The following HYCC1 variants were observed in gnomAD, a reference collection of about 807,000 sequenced individuals.
HYCC1 encodes hyccin PI4KA lipid kinase complex subunit 1, also known as hyccin.
the HYCC1 span, among the ~76,000 whole-genome samples, chr7:22,909,228 G>A: frequency 2.0e-5 from 3 of 152,166 alleles, no homozygotes; most frequent in Non-Finnish European, 4.4e-5. Flanking sequence ...CCTCATGAGA[G>A]CAAGTGAGTT....
chr7:22,937,209 T>A, the HYCC1 span: 2 of 151,700 alleles, frequency 1.3e-5, no homozygotes, highest in African/African-American at 2.4e-5. Context: ...ATGAAGAGAG[T>A]AAAAGTTTAA....
chr7:23,000,589 T>C, the HYCC1 span, among the ~76,000 whole-genome samples: 7 of 152,320 alleles, frequency 4.6e-5, no homozygotes, highest in South Asian at 1.4e-3. Flanking sequence ...TGTGGTACAC[T>C]ATTACTATTA....
At chr7:22,962,935 C>T in the HYCC1 span, among the ~76,000 whole-genome samples, 2 of 152,052 alleles carry the variant, frequency 1.3e-5, no homozygotes, top group East Asian at 3.9e-4. Context: ...AAGAAAAACC[C>T]TCCAGCAATC....
At chr7:22,901,710 G>C in the HYCC1 span, among the ~76,000 whole-genome samples, 1 of 151,864 alleles carries the variant, frequency 6.6e-6, no homozygotes, top group African/African-American at 2.4e-5. Flanking sequence ...AAATATAAAA[G>C]GAGCAATCCA....
chr7:22,924,468 C>T, the HYCC1 span, among the ~76,000 whole-genome samples: 4 of 152,188 alleles, frequency 2.6e-5, no homozygotes, highest in African/African-American at 4.8e-5. Flanking sequence ...CCTGGAAAAT[C>T]GGGTCACTCC....
the HYCC1 span, among the ~76,000 whole-genome samples, chr7:22,961,857 ATG>A: frequency 1.3e-5 from 2 of 150,972 alleles, no homozygotes; most frequent in Non-Finnish European, 1.5e-5. Context: ...GTGTCTGTGC[ATG>A]TGTGTGTGTG....
chr7:22,967,680 A>G, the HYCC1 span, among the ~76,000 whole-genome samples: 1 of 152,212 alleles, frequency 6.6e-6, no homozygotes, highest in South Asian at 2.1e-4. Flanking sequence ...GAGATGAAGG[A>G]GGACTGAATA....
chr7:22,982,360 C>A, the HYCC1 span, among the ~76,000 whole-genome samples: 1 of 152,100 alleles, frequency 6.6e-6, no homozygotes, highest in Non-Finnish European at 1.5e-5. Flanking sequence ...CTCCCTAATC[C>A]CTTCAGCACC....
chr7:22,906,877 A>C, the HYCC1 span, among the ~76,000 whole-genome samples: 2 of 151,996 alleles, frequency 1.3e-5, no homozygotes, highest in African/African-American at 4.8e-5. Flanking sequence ...ATCTATTAAA[A>C]ATTGAAAAAG....
chr7:22,974,176 C>T, the HYCC1 span, among the ~76,000 whole-genome samples: 4 of 152,164 alleles, frequency 2.6e-5, no homozygotes, highest in African/African-American at 9.7e-5. Context: ...AGAGTTTTCA[C>T]TAGACCATAG....
the HYCC1 span, among the ~76,000 whole-genome samples, chr7:22,910,435 C>T: frequency 2.6e-5 from 4 of 152,316 alleles, no homozygotes; most frequent in East Asian, 7.7e-4. Flanking sequence ...GGATGCCATG[C>T]TTGTACAGCC....
chr7:22,995,667 A>C, the HYCC1 span, among the ~76,000 whole-genome samples: 4 of 152,212 alleles, frequency 2.6e-5, no homozygotes, highest in Non-Finnish European at 5.9e-5. Context: ...ATAAATGATT[A>C]AATAAATAAG....
the HYCC1 span, among the ~76,000 whole-genome samples, chr7:22,973,642 T>C: frequency 6.6e-6 from 1 of 152,194 alleles, no homozygotes; most frequent in Non-Finnish European, 1.5e-5. Context: ...TCTTGTGGCA[T>C]AAATTGATCT....
chr7:22,918,252 T>A, the HYCC1 span, among the ~76,000 whole-genome samples: 3 of 152,294 alleles, frequency 2.0e-5, no homozygotes, highest in East Asian at 5.8e-4. Context: ...CTTCTTTTAT[T>A]TGGACCTTGG....
the HYCC1 span, chr7:22,976,108 A>C: frequency 1.3e-6 from 1 of 798,436 alleles, no homozygotes; most frequent in East Asian, 2.5e-5. Flanking sequence ...TTAATGTTTT[A>C]AACAAATGAT....
At chr7:22,946,910 C>T in the HYCC1 span, 1 of 1,504,072 alleles carries the variant, frequency 6.6e-7, no homozygotes, top group Non-Finnish European at 8.9e-7. Context: ...GACTGTGCAA[C>T]TGCTGCTTAA....
At chr7:23,006,270 CT>C in the HYCC1 span, among the ~76,000 whole-genome samples, 7 of 150,050 alleles carry the variant, frequency 4.7e-5, no homozygotes, top group Non-Finnish European at 7.4e-5. Context: ...AATTTAAGCA[CT>C]TTTTTTTTTC....
chr7:22,981,391 T>C, the HYCC1 span, among the ~76,000 whole-genome samples: 4 of 152,106 alleles, frequency 2.6e-5, no homozygotes, highest in African/African-American at 4.8e-5. Flanking sequence ...TTCTGGAAAA[T>C]AATAATATCA....
the HYCC1 span, among the ~76,000 whole-genome samples, chr7:23,004,464 G>T: frequency 6.6e-6 from 1 of 152,120 alleles, no homozygotes; most frequent in East Asian, 1.9e-4. Flanking sequence ...ACCATCTTGT[G>T]ACTAGCTCAA....
Sources: allele counts gnomAD v4.1 joint callset (sites outside exome capture counted in the v4.1 genomes callset), GRCh38; gene constraint gnomAD v4.1.1; transcripts MANE v1.5; gene names NCBI Gene and HGNC (gene_info 2026-07-23, HGNC 2026-07-21).